TNKS: variants seen among roughly 807,000 people sequenced by gnomAD.
TNKS encodes the protein tankyrase, also known as poly [ADP-ribose] polymerase tankyrase-1.
In TNKS, 72 loss-of-function variants were observed where a neutral mutation model predicts 135.8. The ratio of observed to expected loss-of-function variants is 0.53; its 90% CI spans 0.44 to 0.64. TNKS has a LOEUF of 0.64. Among genes scored for constraint, TNKS ranks in the 30% least tolerant of loss-of-function variants. The pLI is 0.00. For missense variants in TNKS, 1,769 were observed against 1,674.0 expected (o/e 1.06, Z -0.99); for synonymous variants, 849 against 649.3 (o/e 1.31, Z -4.68).
intron 5 of TNKS, among the ~76,000 whole-genome samples, chr8:9,688,699 G>GC (rs1375376689): frequency 4.6e-5 from 7 of 152,244 alleles, no homozygotes; most frequent in Non-Finnish European, 7.4e-5. Context: ...GAGTGCAGTG[G>GC]CACAATCTCA....
intron 5 of TNKS, among the ~76,000 whole-genome samples, chr8:9,699,202 T>C (rs1467686905): frequency 6.6e-6 from 1 of 152,220 alleles, no homozygotes; most frequent in Non-Finnish European, 1.5e-5. Flanking sequence ...GCTGCCTTAT[T>C]TATCTAAAAC....
At chr8:9,607,438 T>G (rs1799271780) in intron 2 of TNKS, among the ~76,000 whole-genome samples, 1 of 152,212 alleles carries the variant, frequency 6.6e-6, no homozygotes, top group Admixed American at 6.5e-5. Context: ...CTTCTTTGAT[T>G]CCACATGCAA....
chr8:9,651,589 T>C (rs1801149436), intron 3 of TNKS, among the ~76,000 whole-genome samples: 1 of 152,226 alleles, frequency 6.6e-6, no homozygotes, highest in Admixed American at 6.5e-5. Context: ...CCAGATTGGA[T>C]ACTCTCAAGA....
chr8:9,658,473 C>G (rs541141525), intron 3 of TNKS: 13 of 717,266 alleles, frequency 1.8e-5, no homozygotes, highest in South Asian at 1.4e-4. Context: ...AATTTCATAT[C>G]CAGCCAAACT....
At chr8:9,604,308 T>A (rs952559712) in intron 2 of TNKS, among the ~76,000 whole-genome samples, 8 of 152,124 alleles carry the variant, frequency 5.3e-5, no homozygotes, top group African/African-American at 1.9e-4. Context: ...TCTACTTTAC[T>A]CTTGCCATTT....
At chr8:9,569,949 AT>A (rs1301301665) in intron 1 of TNKS, among the ~76,000 whole-genome samples, 1 of 151,572 alleles carries the variant, frequency 6.6e-6, no homozygotes, top group African/African-American at 2.4e-5. Flanking sequence ...ATTGCCTTAA[AT>A]TTTTTTTGTT....
chr8:9,576,987 G>C (rs1288020875), intron 1 of TNKS, among the ~76,000 whole-genome samples: 1 of 152,170 alleles, frequency 6.6e-6, no homozygotes, highest in Non-Finnish European at 1.5e-5. Flanking sequence ...TTGAATTTAT[G>C]TAATAGTACC....
intron 18 of TNKS, among the ~76,000 whole-genome samples, chr8:9,749,099 C>G (rs887986254): frequency 1.3e-5 from 2 of 152,358 alleles, no homozygotes; most frequent in South Asian, 4.1e-4. Flanking sequence ...GCTGTCACTT[C>G]TGCCACATTC....
At chr8:9,576,550 A>G (rs1446496068) in intron 1 of TNKS, among the ~76,000 whole-genome samples, 1 of 148,148 alleles carries the variant, frequency 6.8e-6, no homozygotes, top group East Asian at 2.0e-4. Flanking sequence ...GGCTCACTGC[A>G]AGCTCCACCT....
intron 2 of TNKS, among the ~76,000 whole-genome samples, chr8:9,602,617 A>G (rs1799060756): frequency 6.6e-6 from 1 of 152,236 alleles, no homozygotes; most frequent in Non-Finnish European, 1.5e-5. Context: ...CACGCCCAGC[A>G]AAGAATTAGC....
At chr8:9,705,820 A>G (rs1301512533) in intron 6 of TNKS, among the ~76,000 whole-genome samples, 1 of 152,222 alleles carries the variant, frequency 6.6e-6, no homozygotes, top group Non-Finnish European at 1.5e-5. Flanking sequence ...TTATTTTGCT[A>G]GAAATTACCA....
chr8:9,654,713 C>A (rs1381486875), intron 3 of TNKS, among the ~76,000 whole-genome samples: 1 of 152,164 alleles, frequency 6.6e-6, no homozygotes, highest in Non-Finnish European at 1.5e-5. Flanking sequence ...TTCTTAGATT[C>A]CTGTGTTCCT....
rs576116642 is a variant in TNKS at position 9,781,007 on chromosome 8, G to C, written c.*4271G>C. 1 of 152,242 alleles carries C rather than the reference G, an allele frequency of 6.6e-6. No individual in the cohort carries two copies. Among genetic ancestry groups the C allele is most frequent in the African/African-American group, 2.4e-5 (1 of 41,538 alleles). The allele number at this position is 152,242 out of a possible 1,614,324, so 9.4% of individuals were successfully genotyped here. A position where few individuals can be genotyped will look rare whatever the true frequency, so the allele number is the denominator to read the frequency against. On this transcript the variant is annotated 3_prime_UTR_variant, in exon 27 of 27. Transcript: ENST00000310430. ...GATATGCAAGCTGTGTTTTTTAATT[G>C]TTTTAAAATGTAAATTATGGTTATG... is the stretch of plus-strand genomic sequence containing the variant.
chr8:9,775,595 TAATAAA>T (rs1203082702), intron 26 of TNKS, among the ~76,000 whole-genome samples: 2 of 149,650 alleles, frequency 1.3e-5, no homozygotes, highest in Non-Finnish European at 3.0e-5. Flanking sequence ...TGAATAATAC[TAATAAA>T]AATAATAACA....
At chr8:9,714,603 G>C (rs999114508) in intron 11 of TNKS, among the ~76,000 whole-genome samples, 2 of 152,172 alleles carry the variant, frequency 1.3e-5, no homozygotes, top group African/African-American at 4.8e-5. Context: ...ATACCAGTTT[G>C]AAAGTTAATG....
rs1242026185 is a variant in TNKS, at chr8:9,761,675, G to A, written c.3274+39G>A. 9 of 1,575,124 alleles carry A rather than the reference G, an allele frequency of 5.7e-6. 1 individual carries two copies. In the South Asian group the frequency reaches 9.4e-5, roughly 17 times the overall value. ...AAAAAAAAAAAAATTTCAGAAATCAGTGGTACAAGGTAAGTATTGGGGCTG... is the reference window on the plus strand; with the variant it reads ...AAAAAAAAAAAAATTTCAGAAATCAATGGTACAAGGTAAGTATTGGGGCTG... On this transcript the variant is annotated intron_variant, in intron 21 of 26. Coordinates refer to ENST00000310430, the MANE Select transcript of TNKS (RefSeq NM_003747.3).
chr8:9,645,315 T>C (rs774202389), intron 3 of TNKS, among the ~76,000 whole-genome samples: 6 of 152,140 alleles, frequency 3.9e-5, no homozygotes, highest in South Asian at 2.1e-4. Flanking sequence ...CCATTCATAC[T>C]GGAATGGTGT....
rs546789774 is a variant in TNKS at position 9,576,492 on chromosome 8, A to G, written c.674-3667A>G. ...TTTTTTTTTTTTTTTTTTTTTTGAG[A>G]TGGAGTCTGGCTCTGTTGCCCAGGC... On this transcript the variant is annotated intron_variant, in intron 1 of 26. Transcript: ENST00000310430. 2.4e-3 allele frequency among the ~76,000 whole-genome samples: 317 copies of G among 130,356 alleles called. 2 individuals carry two copies. The highest frequency in any genetic ancestry group is 4.2e-3 in the Non-Finnish European group (265 of 62,704). 85.5% of individuals were successfully genotyped at this position (130,356 alleles called of 152,430 possible). A position where few individuals can be genotyped will look rare whatever the true frequency, so the allele number is the denominator to read the frequency against.
chr8:9,764,636 T>TAATA lies in TNKS; in HGVS notation c.3373-79_3373-76dup, dbSNP rs2128836072. Reference sequence around the variant, plus strand: ...TTATAGTGAACTCCTATTTATTTATTAATACTGAATTTTAGACTCATCATT... The same window carrying TAATA: ...TTATAGTGAACTCCTATTTATTTATTAATAAATACTGAATTTTAGACTCATCATT... On this transcript the variant is annotated intron_variant, in intron 22 of 26. Transcript: ENST00000310430. 7 of 1,033,410 alleles carry TAATA rather than the reference T, an allele frequency of 6.8e-6. No individual in the cohort carries two copies. In the South Asian group the frequency reaches 9.1e-5, roughly 13 times the overall value. The allele number at this position is 1,033,410 out of a possible 1,614,324, so 64.0% of individuals were successfully genotyped here.
Sources: gnomAD v4.1 joint callset for allele counts (sites outside exome capture counted in the v4.1 genomes callset) on GRCh38, gnomAD v4.1.1 for gene constraint, MANE v1.5 for transcripts, NCBI Gene and HGNC (gene_info 2026-07-23, HGNC 2026-07-21) for gene names.